The following SDHC variants were observed in gnomAD, a reference collection of about 807,000 sequenced individuals.
The protein encoded by SDHC is succinate dehydrogenase complex subunit C, also known as succinate dehydrogenase cytochrome b560 subunit, mitochondrial.
A neutral mutation model predicts 22.6 loss-of-function variants in SDHC; 11 were observed. The ratio of observed to expected loss-of-function variants is 0.49; its 90% CI spans 0.31 to 0.81. The LOEUF (loss-of-function observed/expected upper bound fraction) is 0.81. Ranked by LOEUF, SDHC falls within the 30% of genes least tolerant of loss-of-function variation. The pLI, the probability that SDHC is intolerant of heterozygous loss-of-function variation, is 0.05. For missense variants in SDHC, 160 were observed against 212.0 expected, an observed-to-expected ratio of 0.75 and a Z score of 1.52; for synonymous variants, 80 against 77.8, an observed-to-expected ratio of 1.03 and a Z score of -0.15.
intron 5 of SDHC, among the ~76,000 whole-genome samples, chr1:161,357,925 C>T (rs990052012): frequency 6.6e-6 from 1 of 151,826 alleles, no homozygotes; most frequent in Non-Finnish European, 1.5e-5. Context: ...CTTTTCTTAT[C>T]TACACATTAT....
intron 3 of SDHC, among the ~76,000 whole-genome samples, chr1:161,336,873 G>GT (rs79472751): frequency 0.027 from 4,110 of 151,194 alleles, 164 homozygotes; most frequent in East Asian, 0.17. Flanking sequence ...TTTTTTTATT[G>GT]TTTTTTTTGC....
chr1:161,333,313 C>T (rs1671348942), intron 3 of SDHC, among the ~76,000 whole-genome samples: 1 of 151,534 alleles, frequency 6.6e-6, no homozygotes, highest in Admixed American at 6.6e-5. Context: ...TATTTGTGTA[C>T]AAGTTTTTGT....
At chr1:161,319,727 A>G (rs895861551) in intron 1 of SDHC, among the ~76,000 whole-genome samples, 5 of 152,168 alleles carry the variant, frequency 3.3e-5, no homozygotes, top group African/African-American at 1.2e-4. Flanking sequence ...GATTACAGGC[A>G]TGAGCTACCA....
intron 3 of SDHC, among the ~76,000 whole-genome samples, chr1:161,339,306 C>A (rs1671616995): frequency 6.6e-6 from 1 of 151,966 alleles, no homozygotes; most frequent in African/African-American, 2.4e-5. Context: ...CTTCAGTCTC[C>A]CAAGTAGCTG....
chr1:161,344,159 G>A (rs1671815625), intron 4 of SDHC, among the ~76,000 whole-genome samples: 2 of 152,090 alleles, frequency 1.3e-5, no homozygotes, highest in South Asian at 2.1e-4. Flanking sequence ...GCATGGTGGC[G>A]GGCACCTGTA....
chr1:161,323,052 G>A (rs757909420), intron 1 of SDHC, among the ~76,000 whole-genome samples: 6 of 151,864 alleles, frequency 4.0e-5, no homozygotes, highest in Non-Finnish European at 7.4e-5. Context: ...GGGCTGGAGT[G>A]CAGTGGCACC....
intron 1 of SDHC, chr1:161,314,799 A>C (rs879848352): frequency 6.0e-5 from 16 of 266,978 alleles, no homozygotes; most frequent in Admixed American, 9.6e-5. Context: ...GTATTTAGAC[A>C]TTTAGCTTCG....
intron 1 of SDHC, among the ~76,000 whole-genome samples, chr1:161,320,800 T>C (rs1670808471): frequency 1.3e-5 from 2 of 151,810 alleles, no homozygotes; most frequent in Non-Finnish European, 2.9e-5. Context: ...ACTCAAGTTA[T>C]ACAACTTATT....
chr1:161,333,772 C>G (rs990306396), intron 3 of SDHC, among the ~76,000 whole-genome samples: 8 of 152,228 alleles, frequency 5.3e-5, no homozygotes, highest in Non-Finnish European at 2.9e-5. Flanking sequence ...TTCACACTAG[C>G]AGTGTATAAG....
chr1:161,330,526 C>T (rs1405033244), intron 3 of SDHC, among the ~76,000 whole-genome samples: 1 of 152,234 alleles, frequency 6.6e-6, no homozygotes, highest in Non-Finnish European at 1.5e-5. Flanking sequence ...GCCCTCTGGG[C>T]TTATAGCTCC....
chr1:161,351,618 A>G (rs1481307987), intron 4 of SDHC, among the ~76,000 whole-genome samples: 1 of 152,160 alleles, frequency 6.6e-6, no homozygotes, highest in Admixed American at 6.6e-5. Flanking sequence ...TAGTCCTTGC[A>G]TTACCAAGTT....
In SDHC at chr1:161,317,550, G is replaced by GT. The variant is rs34457815; in HGVS notation, c.20+3154dup. ...GGTTTTGTGTGTGTGTGTGTGTGTG[G>GT]TTTTTTTTTTTTTTTTTTTTTTTTT... On this transcript the variant is annotated intron_variant, in intron 1 of 5. Transcript: ENST00000367975. 7.1e-3 allele frequency among the ~76,000 whole-genome samples: 428 copies of GT among 59,912 alleles called. 54 individuals carry two copies. The highest frequency in any genetic ancestry group is 0.011 in the East Asian group (19 of 1,714). The allele number at this position is 59,912 out of a possible 152,430, so 39.3% of individuals were successfully genotyped here.
At chr1:161,357,598 C>T (rs1028537236) in intron 5 of SDHC, among the ~76,000 whole-genome samples, 3 of 150,920 alleles carry the variant, frequency 2.0e-5, no homozygotes, top group African/African-American at 7.3e-5. Context: ...ATGGGGTTTC[C>T]CCATGTTAGC....
intron 4 of SDHC, 45 bp downstream of exon 4, chr1:161,340,700 A>C (rs1423278856): frequency 6.5e-7 from 1 of 1,548,516 alleles, no homozygotes; most frequent in Non-Finnish European, 8.9e-7. Context: ...TTCTTTGAAA[A>C]ACTTGGCTGT....
intron 3 of SDHC, among the ~76,000 whole-genome samples, chr1:161,331,660 G>A (rs1470113579): frequency 6.7e-6 from 1 of 149,388 alleles, no homozygotes; most frequent in Non-Finnish European, 1.5e-5. Context: ...CAGTGGCGCA[G>A]TCCCGGCTCA....
chr1:161,339,508 A>G (rs774076347), intron 3 of SDHC: 3 of 1,006,398 alleles, frequency 3.0e-6, no homozygotes, highest in Non-Finnish European at 4.0e-6. Flanking sequence ...TCTTTGACCC[A>G]TGTTTCTCCT....
chr1:161,331,681 C>T (rs1237682026), intron 3 of SDHC, among the ~76,000 whole-genome samples: 9 of 152,064 alleles, frequency 5.9e-5, no homozygotes, highest in Admixed American at 4.6e-4. Flanking sequence ...CTGTAACCCC[C>T]GCCTCCCTGG....
chr1:161,319,044 C>G (rs1423458368), intron 1 of SDHC, among the ~76,000 whole-genome samples: 5 of 151,818 alleles, frequency 3.3e-5, no homozygotes, highest in African/African-American at 9.7e-5. Flanking sequence ...AACTCCATTT[C>G]AAAAACAAAC....
At chr1:161,315,005 T>C (rs996386119) in intron 1 of SDHC, 2 of 152,802 alleles carry the variant, frequency 1.3e-5, no homozygotes, top group African/African-American at 4.8e-5. Flanking sequence ...TCATTTTTAG[T>C]TAATCATTTT....
Sources: allele counts gnomAD v4.1 joint callset (sites outside exome capture counted in the v4.1 genomes callset), GRCh38; gene constraint gnomAD v4.1.1; transcripts MANE v1.5; gene names NCBI Gene and HGNC (gene_info 2026-07-23, HGNC 2026-07-21).